SERINC5: variants seen among roughly 807,000 people sequenced by gnomAD.
The protein encoded by SERINC5 is serine incorporator 5.
In SERINC5, 41 loss-of-function variants were observed where a neutral mutation model predicts 63.1. The ratio of observed to expected loss-of-function variants is 0.65; its 90% confidence interval spans 0.51 to 0.84. The LOEUF (loss-of-function observed/expected upper bound fraction) is 0.84. SERINC5 is among the 40% of genes least tolerant of loss of function. The pLI, the probability that SERINC5 is intolerant of heterozygous loss-of-function variation, is 0.00. For missense variants in SERINC5, 523 were observed against 573.0 expected (o/e 0.91, Z 0.89); for synonymous variants, 222 against 215.2 (o/e 1.03, Z -0.28).
chr5:80,186,357 C>T (rs1240899370), intron 2 of SERINC5, among the ~76,000 whole-genome samples: 2 of 151,984 alleles, frequency 1.3e-5, no homozygotes, highest in Non-Finnish European at 2.9e-5. Context: ...AGGCTGGTCT[C>T]GAACTCCTGA....
At chr5:80,188,801 T>A (rs1748999140) in intron 2 of SERINC5, among the ~76,000 whole-genome samples, 1 of 152,022 alleles carries the variant, frequency 6.6e-6, no homozygotes, top group African/African-American at 2.4e-5. Context: ...GGTAGGAGCA[T>A]CTCTTGAGCC....
chr5:80,152,368 G>A (rs1746246031), intron 8 of SERINC5, among the ~76,000 whole-genome samples: 1 of 151,952 alleles, frequency 6.6e-6, no homozygotes, highest in Non-Finnish European at 1.5e-5. Context: ...AGGTGTGGTG[G>A]CACATGTCTG....
chr5:80,210,431 C>T (rs1413745485), intron 1 of SERINC5, among the ~76,000 whole-genome samples: 1 of 152,166 alleles, frequency 6.6e-6, no homozygotes, highest in Non-Finnish European at 1.5e-5. Flanking sequence ...CTGTCCTCCG[C>T]ACCAGCCTTG....
intron 6 of SERINC5, among the ~76,000 whole-genome samples, chr5:80,168,118 G>C (rs983171259): frequency 1.6e-4 from 25 of 152,280 alleles, no homozygotes; most frequent in African/African-American, 6.0e-4. Context: ...ATCAATTAAA[G>C]GGATTAGGAG....
intron 11 of SERINC5, among the ~76,000 whole-genome samples, chr5:80,123,013 C>T (rs536944693): frequency 6.6e-6 from 1 of 152,348 alleles, no homozygotes; most frequent in South Asian, 2.1e-4. Flanking sequence ...ACAGAACTGT[C>T]CACTAATAAA....
chr5:80,238,103 C>CAAAAAAAAAAAAA (rs759062486), intron 1 of SERINC5, among the ~76,000 whole-genome samples: 4 of 65,606 alleles, frequency 6.1e-5, no homozygotes, highest in Admixed American at 1.8e-4. Context: ...GACTCTGTCT[C>CAAAAAAAAAAAAA]AAAAAAAAAA....
intron 1 of SERINC5, among the ~76,000 whole-genome samples, chr5:80,240,331 G>A (rs943467660): frequency 4.6e-5 from 7 of 152,088 alleles, no homozygotes; most frequent in East Asian, 1.9e-4. Flanking sequence ...TTTCCACAAG[G>A]TAATTTGAAG....
At chr5:80,148,882 G>A (rs1204698610) in intron 9 of SERINC5, among the ~76,000 whole-genome samples, 1 of 152,120 alleles carries the variant, frequency 6.6e-6, no homozygotes, top group Non-Finnish European at 1.5e-5. Context: ...TGCTTGGCAA[G>A]GAAACCTTTA....
intron 11 of SERINC5, among the ~76,000 whole-genome samples, chr5:80,118,499 G>A (rs1009547560): frequency 1.3e-5 from 2 of 152,028 alleles, no homozygotes; most frequent in African/African-American, 2.4e-5. Flanking sequence ...TCCTCATTGC[G>A]GAAGGGGCCA....
intron 1 of SERINC5, among the ~76,000 whole-genome samples, chr5:80,240,008 C>G (rs1270259362): frequency 2.0e-5 from 3 of 152,202 alleles, no homozygotes; most frequent in Non-Finnish European, 4.4e-5. Flanking sequence ...TGAAGCTCTG[C>G]AAGTCCAAGG....
chr5:80,231,556 C>T (rs746392281), intron 1 of SERINC5, among the ~76,000 whole-genome samples: 9 of 151,890 alleles, frequency 5.9e-5, no homozygotes, highest in Non-Finnish European at 8.8e-5. Context: ...CAACCTCCAG[C>T]GTCATGACCA....
chr5:80,205,455 T>A (rs967135519), intron 1 of SERINC5, among the ~76,000 whole-genome samples: 21 of 152,314 alleles, frequency 1.4e-4, no homozygotes, highest in African/African-American at 4.8e-4. Flanking sequence ...CCTGCAGCCA[T>A]ACACCCTTGT....
chr5:80,195,037 A>T (rs1205904807), intron 2 of SERINC5, among the ~76,000 whole-genome samples: 1 of 152,214 alleles, frequency 6.6e-6, no homozygotes, highest in Non-Finnish European at 1.5e-5. Flanking sequence ...CTGTAATCCC[A>T]GCACTTTGGG....
intron 8 of SERINC5, among the ~76,000 whole-genome samples, chr5:80,152,200 C>T (rs979316724): frequency 7.9e-5 from 12 of 152,088 alleles, no homozygotes; most frequent in African/African-American, 2.2e-4. Flanking sequence ...ACACCTAATC[C>T]GACATTTAAG....
At chr5:80,253,685 C>G (rs544537339) in intron 1 of SERINC5, among the ~76,000 whole-genome samples, 3 of 152,320 alleles carry the variant, frequency 2.0e-5, no homozygotes, top group African/African-American at 7.2e-5. Context: ...GGCATCTTCT[C>G]AGACTCCCTC....
intron 1 of SERINC5, among the ~76,000 whole-genome samples, chr5:80,224,916 G>A (rs951127395): frequency 4.2e-4 from 58 of 138,274 alleles, no homozygotes; most frequent in Admixed American, 8.8e-4. Context: ...GAGCCATCAC[G>A]CCCAGCGTTT....
At position 80,175,020 on chromosome 5, in the gene SERINC5, C is replaced by G; in HGVS notation, c.485G>C (p.Gly162Ala). 1 of 1,599,736 alleles carries G rather than the reference C, an allele frequency of 6.3e-7. No homozygotes were observed. The highest frequency in any genetic ancestry group is 8.5e-7 in the Non-Finnish European group (1 of 1,172,886). The change falls in exon 5 of 12, where the codon GGC (glycine) becomes GCC (alanine). Residue 162 changes from glycine to alanine, a missense_variant. Physicochemically the swap from Gly to Ala is moderately conservative, Grantham distance 60 (BLOSUM62 0). Transcript: ENST00000507668. Reference protein sequence around the residue: ...NAWRYVGAVGGFLFIGIQLLL... With the variant: ...NAWRYVGAVGAFLFIGIQLLL... The stretch of plus-strand genomic sequence containing the variant: ...GAGCTGGATGCCAATGAAGAGGAAG[C>G]CTCCGACGGCTCCCACATAGCGCCA...
intron 5 of SERINC5, among the ~76,000 whole-genome samples, chr5:80,171,116 T>C (rs1335988086): frequency 1.3e-5 from 2 of 152,064 alleles, no homozygotes; most frequent in Non-Finnish European, 2.9e-5. Flanking sequence ...GTTCAAGTAA[T>C]TCTCTGCCTC....
At position 80,215,719 on chromosome 5, in the gene SERINC5, G is replaced by A. The variant is rs115582595; in HGVS notation, c.28-12666C>T. On this transcript the variant is annotated intron_variant, in intron 1 of 11. Transcript: ENST00000507668. ...CAAACAAGTTTCAACATACTAGAGC[G>A]GTGTTATTTTCCACGTTGAACATTT... Among the ~76,000 whole-genome samples the A allele has an allele frequency of 6.0e-3, 921 of 152,244 alleles. 7 individuals are homozygous for A. The highest frequency in any genetic ancestry group is 0.021 in the African/African-American group (855 of 41,532).
Sources: gnomAD v4.1 joint callset for allele counts (sites outside exome capture counted in the v4.1 genomes callset) on GRCh38, gnomAD v4.1.1 for gene constraint, MANE v1.5 for transcripts, NCBI Gene and HGNC (gene_info 2026-07-23, HGNC 2026-07-21) for gene names.